Variants in VTA1 observed in about 807,000 individuals in gnomAD.
The protein encoded by VTA1 is vesicle trafficking 1, also known as vacuolar protein sorting-associated protein VTA1 homolog.
In VTA1, 24 loss-of-function variants were observed where a neutral mutation model predicts 36.9. The ratio of observed to expected loss-of-function variants is 0.65; its 90% CI spans 0.47 to 0.91. The LOEUF is 0.91. VTA1 is among the 40% of genes least tolerant of loss of function. The pLI is 0.00. For missense variants in VTA1, 393 were observed against 377.2 expected, an observed-to-expected ratio of 1.04 and a Z score of -0.35; for synonymous variants, 142 against 130.2, an observed-to-expected ratio of 1.09 and a Z score of -0.62.
intron 7 of VTA1, among the ~76,000 whole-genome samples, chr6:142,208,085 CAAAAAAAAAAAAAA>C (rs567010868): frequency 1.0e-5 from 1 of 99,526 alleles, no homozygotes; most frequent in Admixed American, 1.2e-4. Context: ...AGACTTCCAT[CAAAAAAAAAAAAAA>C]AAAAAAAAAT....
chr6:142,170,007 A>G (rs181063424), intron 3 of VTA1, among the ~76,000 whole-genome samples: 2 of 152,280 alleles, frequency 1.3e-5, no homozygotes, highest in African/African-American at 4.8e-5. Context: ...ACCCACCCCA[A>G]TCAATTCAAA....
chr6:142,202,651 A>G (rs909623963), intron 6 of VTA1, among the ~76,000 whole-genome samples: 3 of 151,986 alleles, frequency 2.0e-5, no homozygotes, highest in African/African-American at 7.2e-5. Context: ...TGGTTTAGAT[A>G]AGTACACAAA....
rs6914375 is a variant in VTA1 at position 142,180,424 on chromosome 6, A to C, written c.412-9002A>C. ...TAGGTCCAGACTGATACATATGAAG[A>C]AATAAATAAATGAATAAATAATAGA... On this transcript the variant is annotated intron_variant, in intron 4 of 7. Transcript: ENST00000367630. Among the ~76,000 whole-genome samples, 281 of 152,374 alleles carry C rather than the reference A, an allele frequency of 1.8e-3. 1 individual carries two copies. Among genetic ancestry groups the C allele is most frequent in the African/African-American group, 5.5e-3 (227 of 41,588 alleles).
intron 1 of VTA1, among the ~76,000 whole-genome samples, chr6:142,157,709 A>C (rs1480153675): frequency 6.6e-6 from 1 of 152,138 alleles, no homozygotes; most frequent in Non-Finnish European, 1.5e-5. Flanking sequence ...TATACTCTTG[A>C]ACAGTCAAGG....
chr6:142,197,236 A>G (rs564444841), intron 5 of VTA1, among the ~76,000 whole-genome samples: 25 of 152,350 alleles, frequency 1.6e-4, no homozygotes, highest in African/African-American at 5.8e-4. Context: ...GTATAAATAC[A>G]TCCACAAGGT....
chr6:142,159,060 A>C (rs903390846), intron 1 of VTA1, among the ~76,000 whole-genome samples: 2 of 152,160 alleles, frequency 1.3e-5, no homozygotes, highest in African/African-American at 4.8e-5. Flanking sequence ...TCAAGATCCA[A>C]GTTTTAAATC....
In VTA1 at chr6:142,197,583, T is replaced by A. The variant is rs551780131; in HGVS notation, c.521-856T>A. On this transcript the variant is annotated intron_variant, in intron 5 of 7. Transcript: ENST00000367630. The stretch of plus-strand genomic sequence containing the variant: ...TCTCATTTCTTTCTGCATAGCTAAA[T>A]GCAAAATTTCATTCCTCTGTTTTTA... 9.2e-5 allele frequency among the ~76,000 whole-genome samples: 14 copies of A among 152,356 alleles called. No individual in the cohort carries two copies. In the South Asian group the frequency reaches 2.3e-3, roughly 25 times the overall value.
At chr6:142,206,475 G>A (rs930582920) in intron 7 of VTA1, among the ~76,000 whole-genome samples, 1 of 152,158 alleles carries the variant, frequency 6.6e-6, no homozygotes, top group South Asian at 2.1e-4. Context: ...TGGAGATTTC[G>A]TGATCATGCA....
intron 5 of VTA1, among the ~76,000 whole-genome samples, 179 bp from the exon 6 acceptor site, chr6:142,198,260 A>G (rs1478373779): frequency 6.6e-6 from 1 of 151,898 alleles, no homozygotes; most frequent in Non-Finnish European, 1.5e-5. Context: ...GTACAATTAC[A>G]TTTTTTAAGA....
chr6:142,202,858 T>G (rs558699203), intron 6 of VTA1, among the ~76,000 whole-genome samples: 1 of 152,050 alleles, frequency 6.6e-6, no homozygotes, highest in Non-Finnish European at 1.5e-5. Context: ...CTGTGTACTT[T>G]AAAATTTTTC....
chr6:142,165,534 A>C (rs1774895778), intron 1 of VTA1, among the ~76,000 whole-genome samples: 1 of 152,214 alleles, frequency 6.6e-6, no homozygotes, highest in Non-Finnish European at 1.5e-5. Context: ...AGCATGATGC[A>C]TTCATGCTGT....
At chr6:142,198,745 C>T (rs1484838121) in intron 6 of VTA1, 130 bp downstream of exon 6, 1 of 780,846 alleles carries the variant, frequency 1.3e-6, no homozygotes, top group East Asian at 2.9e-5. Flanking sequence ...CATTTGAACC[C>T]ACAAGAAACA....
chr6:142,166,435 C>A, intron 2 of VTA1, 113 bp downstream of exon 2: 1 of 678,500 alleles, frequency 1.5e-6, no homozygotes, highest in Non-Finnish European at 2.5e-6. Context: ...TCAAACAAAG[C>A]CATTATACCT....
Position 142,198,465 on chromosome 6 carries a change from G to A in VTA1, c.547G>A (p.Ala183Thr). 3 of 1,613,860 alleles carry A rather than the reference G, an allele frequency of 1.9e-6. No homozygotes were observed. The Admixed American group carries it at 5.0e-5, about 27-fold the overall frequency. ...TATTGAAGAAAATGAAGATGCTGGA[G>A]CAGCCTCTCTGCCCACTCAGCCAAC... Reference protein sequence around the residue: ...NDIEENEDAGAASLPTQPTQP... With the variant: ...NDIEENEDAGTASLPTQPTQP... Residue 183 changes from alanine (A) to threonine (T), a missense_variant, in exon 6 of 8, where the codon GCA becomes ACA. By Grantham distance (58) the Ala-to-Thr change is moderately conservative (BLOSUM62 0). Transcript: ENST00000367630.
intron 5 of VTA1, among the ~76,000 whole-genome samples, chr6:142,190,607 G>C (rs1220989459): frequency 2.6e-5 from 4 of 152,164 alleles, no homozygotes; most frequent in Non-Finnish European, 4.4e-5. Context: ...ATTAGACGTA[G>C]TAAATAGATG....
At chr6:142,198,115 ATATATGTGTGTGTGTGTGTG>A (rs1426270716) in intron 5 of VTA1, among the ~76,000 whole-genome samples, 3 of 76,548 alleles carry the variant, frequency 3.9e-5, no homozygotes, top group Admixed American at 1.2e-4. Context: ...ATATATATAT[ATATATGTGTGTGTGTGTGTG>A]TGTGTGTGTG....
intron 4 of VTA1, among the ~76,000 whole-genome samples, chr6:142,176,713 T>C (rs1289020931): frequency 2.0e-5 from 3 of 152,066 alleles, no homozygotes; most frequent in Non-Finnish European, 2.9e-5. Context: ...CAGATAGATA[T>C]ACAGCATAAT....
At chr6:142,207,658 A>G (rs1159251058) in intron 7 of VTA1, among the ~76,000 whole-genome samples, 1 of 152,142 alleles carries the variant, frequency 6.6e-6, no homozygotes, top group Non-Finnish European at 1.5e-5. Context: ...GAGCAAATAT[A>G]TGCAATAAAA....
chr6:142,189,857 T>C lies in VTA1; in HGVS notation c.520+323T>C, dbSNP rs556052017. On this transcript the variant is annotated intron_variant, in intron 5 of 7. Transcript: ENST00000367630. ...CTGGGAGCTCCGCCTCGCAGGTTCATGCCATTCTCCTGCCTCAGCCTCCCG... is the reference window on the plus strand; with the variant it reads ...CTGGGAGCTCCGCCTCGCAGGTTCACGCCATTCTCCTGCCTCAGCCTCCCG... Among the ~76,000 whole-genome samples the C allele has an allele frequency of 2.8e-4, 43 of 152,150 alleles. No individual in the cohort carries two copies. The South Asian group carries it at 3.3e-3, about 12-fold the overall frequency.
Sources: allele counts gnomAD v4.1 joint callset (sites outside exome capture counted in the v4.1 genomes callset), GRCh38; gene constraint gnomAD v4.1.1; transcripts MANE v1.5; gene names NCBI Gene and HGNC (gene_info 2026-07-23, HGNC 2026-07-21).